ARHGAP28: variants seen among roughly 807,000 people sequenced by gnomAD.
ARHGAP28 encodes the protein Rho GTPase activating protein 28, also known as rho GTPase-activating protein 28.
Under a neutral mutation model 90.7 loss-of-function variants are expected in ARHGAP28, and 56 were observed. The ratio of observed to expected loss-of-function variants is 0.62; its 90% confidence interval spans 0.50 to 0.77. The LOEUF (loss-of-function observed/expected upper bound fraction) is 0.77. ARHGAP28 is among the 30% of genes least tolerant of loss of function. ARHGAP28 has a pLI of 0.00. For synonymous variants in ARHGAP28, 308 were observed against 323.3 expected (o/e 0.95, Z 0.51); for missense variants, 869 against 900.9 (o/e 0.96, Z 0.45).
intron 14 of ARHGAP28, among the ~76,000 whole-genome samples, chr18:6,894,029 G>A (rs774665991): frequency 1.3e-5 from 2 of 151,824 alleles, no homozygotes; most frequent in Non-Finnish European, 2.9e-5. Flanking sequence ...ACCACGCTCG[G>A]CTAATTTTTT....
chr18:6,887,272 G>A (rs779401872), intron 12 of ARHGAP28, 33 bp downstream of exon 12: 1 of 1,595,076 alleles, frequency 6.3e-7, no homozygotes, highest in Non-Finnish European at 8.6e-7. Context: ...CTTGTCCTGG[G>A]GCTCTTATTG....
At chr18:6,888,627 CAG>C (rs1373118589) in intron 12 of ARHGAP28, among the ~76,000 whole-genome samples, 1 of 152,090 alleles carries the variant, frequency 6.6e-6, no homozygotes, top group Non-Finnish European at 1.5e-5. Flanking sequence ...GCTTTGTCTA[CAG>C]AGTGTTCTTT....
intron 1 of ARHGAP28, among the ~76,000 whole-genome samples, chr18:6,816,371 A>G (rs933858347): frequency 3.3e-5 from 5 of 152,196 alleles, no homozygotes; most frequent in Admixed American, 1.3e-4. Flanking sequence ...CTCTATCTGA[A>G]CGGCCTTCTG....
At chr18:6,804,911 A>G (rs1029040672) in intron 1 of ARHGAP28, among the ~76,000 whole-genome samples, 1 of 152,244 alleles carries the variant, frequency 6.6e-6, no homozygotes, top group African/African-American at 2.4e-5. Flanking sequence ...ATGTCAAATA[A>G]GTTGTCTTTT....
At position 6,809,281 on chromosome 18, in the gene ARHGAP28, G is replaced by GTTGGAAATGGAAATTCAC. The variant is rs536323306; in HGVS notation, c.123-15478_123-15461dup. On this transcript the variant is annotated intron_variant, in intron 1 of 17. Coordinates refer to ENST00000383472, the MANE Select transcript of ARHGAP28 (RefSeq NM_001366230.1). The stretch of plus-strand genomic sequence containing the variant: ...AATTTTTATCCCCATTGCTGTCATA[G>GTTGGAAATGGAAATTCAC]TTGGAAATGGAAATTCACTTTATAT... Among the ~76,000 whole-genome samples, 22 of 152,224 alleles carry GTTGGAAATGGAAATTCAC rather than the reference G, an allele frequency of 1.4e-4. No homozygotes were observed. The South Asian group carries it at 4.1e-3, about 29-fold the overall frequency.
chr18:6,903,744 G>A (rs1417176538), intron 16 of ARHGAP28, among the ~76,000 whole-genome samples: 1 of 147,130 alleles, frequency 6.8e-6, no homozygotes, highest in Non-Finnish European at 1.5e-5. Flanking sequence ...GCAGAGAACT[G>A]CTTGAACCCG....
intron 16 of ARHGAP28, among the ~76,000 whole-genome samples, chr18:6,902,146 G>A (rs758976276): frequency 2.0e-5 from 3 of 152,098 alleles, no homozygotes; most frequent in South Asian, 2.1e-4. Flanking sequence ...GTTCAGCACC[G>A]TGCAATTACT....
intron 3 of ARHGAP28, among the ~76,000 whole-genome samples, chr18:6,841,184 T>A (rs1373965969): frequency 5.5e-5 from 3 of 54,364 alleles, no homozygotes; most frequent in Non-Finnish European, 1.0e-4. Flanking sequence ...CTCTCTCCTC[T>A]CTCTCTCTCT....
At chr18:6,827,320 A>ACCCCCTC (rs1331457514) in intron 2 of ARHGAP28, among the ~76,000 whole-genome samples, 1 of 132,018 alleles carries the variant, frequency 7.6e-6, no homozygotes, top group East Asian at 2.3e-4. Context: ...CGGGGGGCTG[A>ACCCCCTC]ACCCTCCACC....
intron 1 of ARHGAP28, among the ~76,000 whole-genome samples, chr18:6,737,408 T>C (rs941344277): frequency 9.2e-5 from 14 of 152,194 alleles, no homozygotes; most frequent in African/African-American, 3.4e-4. Context: ...TTGAAATTAT[T>C]ACTTATTTCT....
intron 5 of ARHGAP28, among the ~76,000 whole-genome samples, chr18:6,864,744 G>T (rs906592010): frequency 3.9e-5 from 6 of 152,086 alleles, no homozygotes; most frequent in Admixed American, 6.6e-5. Flanking sequence ...GAGTGCAATG[G>T]CATGATCATG....
intron 1 of ARHGAP28, among the ~76,000 whole-genome samples, chr18:6,814,745 G>T (rs2056579103): frequency 6.6e-6 from 1 of 152,114 alleles, no homozygotes; most frequent in Non-Finnish European, 1.5e-5. Flanking sequence ...CTGCAATTTG[G>T]CATTAAGCAA....
chr18:6,735,298 A>G (rs2055915779), intron 1 of ARHGAP28, among the ~76,000 whole-genome samples: 1 of 152,224 alleles, frequency 6.6e-6, no homozygotes, highest in South Asian at 2.1e-4. Flanking sequence ...AACAAAGTAA[A>G]ACTGGTACAA....
At chr18:6,880,226 G>A (rs917049674) in intron 10 of ARHGAP28, among the ~76,000 whole-genome samples, 3 of 152,014 alleles carry the variant, frequency 2.0e-5, no homozygotes, top group Non-Finnish European at 4.4e-5. Context: ...AAATCATCTC[G>A]GATGATTATT....
intron 9 of ARHGAP28, 128 bp from the exon 10 acceptor site, chr18:6,876,003 A>C: frequency 1.4e-6 from 1 of 725,272 alleles, no homozygotes; most frequent in African/African-American, 1.8e-5. Context: ...CATTTAACAC[A>C]GCATTCAAGT....
chr18:6,784,662 T>G (rs1318850919), intron 1 of ARHGAP28, among the ~76,000 whole-genome samples: 1 of 152,222 alleles, frequency 6.6e-6, no homozygotes, highest in Non-Finnish European at 1.5e-5. Flanking sequence ...ATGATCATAG[T>G]CAATTTCAGC....
rs1031645486 is a variant in ARHGAP28, at chr18:6,852,726, G to A, written c.636+1600G>A. ...TCTTACAGGATGGCTAGGAGGCTCCGATACCTTCTTCATACCCGTTAGTGT... is the reference window on the plus strand; with the variant it reads ...TCTTACAGGATGGCTAGGAGGCTCCAATACCTTCTTCATACCCGTTAGTGT... On this transcript the variant is annotated intron_variant, in intron 4 of 17. Coordinates refer to ENST00000383472, the MANE Select transcript of ARHGAP28 (RefSeq NM_001366230.1). Among the ~76,000 whole-genome samples, 36 of 152,162 alleles carry A rather than the reference G, an allele frequency of 2.4e-4. 1 individual carries two copies. The highest frequency in any genetic ancestry group is 8.0e-4 in the African/African-American group (33 of 41,424).
chr18:6,807,078 G>C (rs968188662), intron 1 of ARHGAP28, among the ~76,000 whole-genome samples: 2 of 151,934 alleles, frequency 1.3e-5, no homozygotes, highest in Non-Finnish European at 2.9e-5. Context: ...GGTGCACCAT[G>C]GTGTTGTTTT....
chr18:6,731,474 T>A (rs2143098114), intron 1 of ARHGAP28, among the ~76,000 whole-genome samples: 1 of 152,250 alleles, frequency 6.6e-6, no homozygotes, highest in Non-Finnish European at 1.5e-5. Flanking sequence ...GAAGCAGAAG[T>A]TCTATTAACT....
Sources: allele counts gnomAD v4.1 joint callset (sites outside exome capture counted in the v4.1 genomes callset), GRCh38; gene constraint gnomAD v4.1.1; transcripts MANE v1.5; gene names NCBI Gene and HGNC (gene_info 2026-07-23, HGNC 2026-07-21).